The following MMP2 variants were observed in gnomAD, a reference collection of about 807,000 sequenced individuals.
MMP2 encodes the protein 72 kDa type IV collagenase.
MMP2 carries 39 observed loss-of-function variants against 74.8 expected under a neutral mutation model. That is an observed-to-expected ratio of 0.52 (90% CI 0.40 to 0.68). The LOEUF is 0.68. Ranked by LOEUF, MMP2 falls within the 30% of genes least tolerant of loss-of-function variation. The pLI, the probability that MMP2 is intolerant of heterozygous loss-of-function variation, is 0.00. For synonymous variants in MMP2, 367 were observed against 339.8 expected (o/e 1.08, Z -0.88); for missense variants, 803 against 878.3 (o/e 0.91, Z 1.08).
At chr16:55,505,212 T>C in intron 12 of MMP2, 127 bp from the exon 13 acceptor site, 1 of 871,278 alleles carries the variant, frequency 1.1e-6, no homozygotes, top group East Asian at 2.4e-5. Context: ...GCCTCAGCCT[T>C]TCAAAGCTCT....
At chr16:55,482,209 C>T (rs551431300) in intron 1 of MMP2, among the ~76,000 whole-genome samples, 1 of 152,168 alleles carries the variant, frequency 6.6e-6, no homozygotes, top group Non-Finnish European at 1.5e-5. Context: ...CTCCCTGAAC[C>T]TCTGCAGGGA....
Position 55,493,194 on chromosome 16 carries a change from C to A in MMP2, c.1373C>A (p.Thr458Asn). The A allele has an allele frequency of 6.2e-7, 1 of 1,614,000 alleles. No individual in the cohort carries two copies. Among genetic ancestry groups the A allele is most frequent in the Non-Finnish European group, 8.5e-7 (1 of 1,179,954 alleles). ...SPDIDLGTGP[T>N]PTLGPVTPEI... is the part of the protein sequence containing the mutation. ...GACATTGACCTTGGCACCGGCCCCA[C>A]CCCCACGCTGGGCCCTGTCACTCCT... The change falls in exon 9 of 13, where the codon ACC becomes AAC. Residue 458 changes from threonine (T) to asparagine (N), a missense_variant. Thr to Asn is a moderately conservative substitution (Grantham distance 65, BLOSUM62 0). Transcript: ENST00000219070.
At chr16:55,486,357 G>GTGCC (rs1567375134) in intron 5 of MMP2, among the ~76,000 whole-genome samples, 3 of 71,798 alleles carry the variant, frequency 4.2e-5, no homozygotes, top group African/African-American at 1.3e-4. Flanking sequence ...CTGTGTGTGT[G>GTGCC]TGTGTGTGTG....
chr16:55,486,346 CCTGTGTGTGTGTGTGTGTGT>C (rs1962254591), intron 5 of MMP2, among the ~76,000 whole-genome samples: 1 of 43,726 alleles, frequency 2.3e-5, no homozygotes, highest in Non-Finnish European at 5.9e-5. Flanking sequence ...TGTGTGTGTG[CCTGTGTGTGTGTGTGTGTGT>C]GTGTGTGTGT....
At chr16:55,490,096 C>T (rs1247661900) in intron 7 of MMP2, among the ~76,000 whole-genome samples, 3 of 152,152 alleles carry the variant, frequency 2.0e-5, no homozygotes, top group Non-Finnish European at 4.4e-5. Flanking sequence ...TGGGTAAGAA[C>T]TGGCCTTCCT....
intron 10 of MMP2, among the ~76,000 whole-genome samples, chr16:55,497,368 T>C (rs1962556822): frequency 6.6e-6 from 1 of 152,232 alleles, no homozygotes; most frequent in Admixed American, 6.5e-5. Context: ...AGTGCTGGTG[T>C]GTCCCTAACG....
In MMP2 at chr16:55,488,574, A is replaced by G. The variant is rs764535951; in HGVS notation, c.864A>G (p.Gly288=). 5 of 1,614,042 alleles carry G rather than the reference A, an allele frequency of 3.1e-6. No individual in the cohort carries two copies. Among genetic ancestry groups the G allele is most frequent in the Non-Finnish European group, 3.4e-6 (4 of 1,179,990 alleles). The change falls in exon 6 of 13, where the codon GGA becomes GGG. Residue 288 remains glycine, a synonymous_variant. Transcript: ENST00000219070. ...TCACCATGGGCGGCAACGCTGAAGG[A>G]CAGCCCTGCAAGTTTCCATTCCGCT... The part of the protein sequence containing the change: ...ALFTMGGNAE[G]QPCKFPFRFQ...
chr16:55,483,414 G>A (rs1962158286), intron 2 of MMP2, among the ~76,000 whole-genome samples: 1 of 152,190 alleles, frequency 6.6e-6, no homozygotes. Flanking sequence ...TGGTATGTTG[G>A]GGAACTAAGC....
chr16:55,488,767 CA>C (rs3214373), intron 6 of MMP2, 51 bp downstream of exon 6: 2,026 of 1,354,772 alleles, frequency 1.5e-3, no homozygotes, highest in Middle Eastern at 2.2e-3. Flanking sequence ...TGCTGTCTGA[CA>C]AAAAAAAAAC....
chr16:55,482,254 A>G (rs1279742077), intron 1 of MMP2, among the ~76,000 whole-genome samples: 2 of 152,212 alleles, frequency 1.3e-5, no homozygotes, highest in Admixed American at 1.3e-4. Flanking sequence ...GGGCAGGGCC[A>G]GTTGTATGAC....
chr16:55,503,042 G>A (rs1285294266), intron 12 of MMP2, among the ~76,000 whole-genome samples, 154 bp downstream of exon 12: 1 of 152,176 alleles, frequency 6.6e-6, no homozygotes, highest in Non-Finnish European at 1.5e-5. Context: ...TGCTGGGAAG[G>A]TTTCCAGATC....
At chr16:55,499,124 A>T (rs1315545034) in intron 11 of MMP2, among the ~76,000 whole-genome samples, 2 of 149,982 alleles carry the variant, frequency 1.3e-5, no homozygotes, top group African/African-American at 4.9e-5. Flanking sequence ...AGCTGAGATC[A>T]TGCCACTGCA....
At position 55,488,709 on chromosome 16, in the gene MMP2, T is replaced by C; in HGVS notation, c.999T>C (p.Pro333=). The C allele has an allele frequency of 1.3e-6, 2 of 1,598,252 alleles. No individual in the cohort carries two copies. Among genetic ancestry groups the C allele is most frequent in the African/African-American group, 1.3e-5 (1 of 74,484 alleles). ...GCGACAAGAAGTATGGCTTCTGCCC[T>C]GAGACCGGTGGGTGCCACTCCCTCT... is the stretch of plus-strand genomic sequence containing the variant. ...YDRDKKYGFC[P]ETAMSTVGGN... The change falls in exon 6 of 13, where the codon CCT becomes CCC. Residue 333 remains proline (P), a synonymous_variant. Coordinates refer to ENST00000219070, the MANE Select transcript of MMP2 (RefSeq NM_004530.6).
chr16:55,504,461 C>T (rs1254777393), intron 12 of MMP2, among the ~76,000 whole-genome samples: 1 of 152,064 alleles, frequency 6.6e-6, no homozygotes, highest in Non-Finnish European at 1.5e-5. Flanking sequence ...TGACTTAATG[C>T]TCACTGCAAG....
In MMP2 at chr16:55,482,892, G is replaced by T. The variant is rs1329898582; in HGVS notation, c.154-17G>T. 6 of 1,607,942 alleles carry T rather than the reference G, an allele frequency of 3.7e-6. No homozygotes were observed. Among genetic ancestry groups the T allele is most frequent in the East Asian group, 2.2e-5 (1 of 44,846 alleles). On this transcript the variant is annotated splice_polypyrimidine_tract_variant and intron_variant, in intron 1 of 12. Coordinates refer to ENST00000219070, the MANE Select transcript of MMP2 (RefSeq NM_004530.6). The stretch of plus-strand genomic sequence containing the variant: ...CCTAATGTGGCTAATTGCCTTGGGG[G>T]TGTGCATTTCTTTCAGCAATACCTG...
intron 12 of MMP2, 109 bp downstream of exon 12, chr16:55,502,997 G>A: frequency 1.1e-6 from 1 of 888,260 alleles, no homozygotes; most frequent in African/African-American, 1.6e-5. Flanking sequence ...CAGGCAGGCG[G>A]CGCCCAGGAA....
At chr16:55,493,347 T>G in intron 9 of MMP2, 54 bp downstream of exon 9, 1 of 1,610,654 alleles carries the variant, frequency 6.2e-7, no homozygotes, top group South Asian at 1.1e-5. Flanking sequence ...TCTGCTCTTA[T>G]ACCATTATTC....
chr16:55,505,363 C>T lies in MMP2; in HGVS notation c.1904C>T (p.Ala635Val). 6 of 1,614,032 alleles carry T rather than the reference C, an allele frequency of 3.7e-6. No homozygotes were observed. The highest frequency in any genetic ancestry group is 5.1e-6 in the Non-Finnish European group (6 of 1,179,948). Reference sequence around the variant, plus strand: ...GGTCACAGCTACTTCTTCAAGGGTGCCTATTACCTGAAGCTGGAGAACCAA... The same window carrying T: ...GGTCACAGCTACTTCTTCAAGGGTGTCTATTACCTGAAGCTGGAGAACCAA... ...GGGHSYFFKG[A>V]YYLKLENQSL... The change falls in exon 13 of 13, where the codon GCC (alanine) becomes GTC (valine). Residue 635 changes from alanine to valine, a missense_variant. Coordinates refer to ENST00000219070, the MANE Select transcript of MMP2 (RefSeq NM_004530.6).
intron 1 of MMP2, among the ~76,000 whole-genome samples, chr16:55,482,533 G>A (rs1962129826): frequency 6.6e-6 from 1 of 152,228 alleles, no homozygotes; most frequent in Non-Finnish European, 1.5e-5. Flanking sequence ...TGAACTGTGT[G>A]ATCGTAAGCA....
Sources: allele counts gnomAD v4.1 joint callset (sites outside exome capture counted in the v4.1 genomes callset), GRCh38; gene constraint gnomAD v4.1.1; transcripts MANE v1.5; gene names NCBI Gene and HGNC (gene_info 2026-07-23, HGNC 2026-07-21).